Variants in ITGBL1 observed in about 807,000 individuals in gnomAD.
ITGBL1 encodes the protein integrin subunit beta like 1.
Under a neutral mutation model 68.5 loss-of-function variants are expected in ITGBL1, and 51 were observed. The ratio of observed to expected loss-of-function variants is 0.74; its 90% CI spans 0.59 to 0.94. The LOEUF is 0.94. Among genes scored for constraint, ITGBL1 ranks in the 40% least tolerant of loss-of-function variants. The pLI is 0.00. For synonymous variants in ITGBL1, 209 were observed against 227.3 expected (o/e 0.92, Z 0.72); for missense variants, 649 against 647.4 (o/e 1.00, Z -0.03).
chr13:101,585,592 G>A (rs568636374), intron 6 of ITGBL1, among the ~76,000 whole-genome samples: 6 of 151,992 alleles, frequency 3.9e-5, no homozygotes, highest in East Asian at 1.9e-4. Flanking sequence ...CACCACGCCC[G>A]GCTTATTTTT....
chr13:101,677,372 G>C (rs1202375391), intron 7 of ITGBL1, among the ~76,000 whole-genome samples: 2 of 152,176 alleles, frequency 1.3e-5, no homozygotes, highest in Non-Finnish European at 2.9e-5. Flanking sequence ...TTCAGACACT[G>C]TACCACAACC....
chr13:101,501,269 A>G (rs539029880), intron 2 of ITGBL1, among the ~76,000 whole-genome samples: 1 of 152,332 alleles, frequency 6.6e-6, no homozygotes, highest in African/African-American at 2.4e-5. Context: ...CCAGGCTTCC[A>G]GAATTCCCTG....
intron 2 of ITGBL1, among the ~76,000 whole-genome samples, chr13:101,503,708 G>A (rs1383952268): frequency 1.3e-5 from 2 of 152,196 alleles, no homozygotes; most frequent in East Asian, 1.9e-4. Flanking sequence ...TTAGTCCCTG[G>A]GAGGGAATAA....
chr13:101,463,009 G>A (rs942274699), intron 2 of ITGBL1, among the ~76,000 whole-genome samples: 1 of 152,146 alleles, frequency 6.6e-6, no homozygotes, highest in African/African-American at 2.4e-5. Flanking sequence ...GAGCTACAGG[G>A]AGGTTACCCA....
chr13:101,697,246 T>G (rs1456067544), intron 8 of ITGBL1, among the ~76,000 whole-genome samples: 3 of 152,056 alleles, frequency 2.0e-5, no homozygotes, highest in African/African-American at 7.2e-5. Context: ...AAAAAATATA[T>G]AGAGAGAAAT....
intron 3 of ITGBL1, among the ~76,000 whole-genome samples, chr13:101,573,178 A>G (rs890968408): frequency 1.1e-4 from 16 of 152,304 alleles, no homozygotes; most frequent in Admixed American, 1.0e-3. Flanking sequence ...GTGAAAATGA[A>G]AAAGAAGGGT....
intron 7 of ITGBL1, among the ~76,000 whole-genome samples, chr13:101,634,571 T>A (rs1196282230): frequency 6.6e-6 from 1 of 152,160 alleles, no homozygotes; most frequent in Non-Finnish European, 1.5e-5. Flanking sequence ...GAGAATCCAC[T>A]GGGCTAGTCA....
At chr13:101,658,869 C>G (rs1272349531) in intron 7 of ITGBL1, among the ~76,000 whole-genome samples, 1 of 151,594 alleles carries the variant, frequency 6.6e-6, no homozygotes, top group Middle Eastern at 3.4e-3. Flanking sequence ...AGCTTTTAAA[C>G]AATAATAGTA....
intron 7 of ITGBL1, among the ~76,000 whole-genome samples, chr13:101,663,842 A>G (rs2033147082): frequency 6.6e-6 from 1 of 152,214 alleles, no homozygotes; most frequent in Non-Finnish European, 1.5e-5. Context: ...TTTAAAAACC[A>G]TGAAAGAACA....
chr13:101,617,492 A>G (rs1173865281), intron 7 of ITGBL1, among the ~76,000 whole-genome samples: 2 of 152,146 alleles, frequency 1.3e-5, no homozygotes, highest in African/African-American at 4.8e-5. Context: ...CTGGATGCTC[A>G]TATGAGTACA....
intron 8 of ITGBL1, among the ~76,000 whole-genome samples, chr13:101,704,837 G>GT (rs1204923599): frequency 1.3e-5 from 2 of 152,076 alleles, no homozygotes; most frequent in East Asian, 3.8e-4. Flanking sequence ...CAGTTTTTGG[G>GT]TTTTTTGTTT....
chr13:101,516,667 C>A (rs981698146), intron 2 of ITGBL1, among the ~76,000 whole-genome samples: 13 of 152,110 alleles, frequency 8.5e-5, no homozygotes, highest in Non-Finnish European at 1.6e-4. Context: ...TTTGAATTAA[C>A]AAGCAAGGCA....
chr13:101,708,522 C>G (rs1240173412), intron 9 of ITGBL1, among the ~76,000 whole-genome samples: 1 of 152,156 alleles, frequency 6.6e-6, no homozygotes, highest in Non-Finnish European at 1.5e-5. Context: ...AAGAACCACA[C>G]CAGTGAGGCT....
chr13:101,566,650 C>T (rs899620127), intron 2 of ITGBL1, among the ~76,000 whole-genome samples: 3 of 152,282 alleles, frequency 2.0e-5, no homozygotes, highest in Middle Eastern at 3.4e-3. Flanking sequence ...ACTGACCAAC[C>T]ATCTGGACCT....
rs1385659456 is a variant in ITGBL1, at chr13:101,626,197, A to AGTC, written c.1015+27899_1015+27901dup. Among the ~76,000 whole-genome samples, 12 of 49,894 alleles carry AGTC rather than the reference A, an allele frequency of 2.4e-4. No individual in the cohort carries two copies. The East Asian group carries it at 9.6e-3, about 40-fold the overall frequency. 32.7% of individuals were successfully genotyped at this position (49,894 alleles called of 152,430 possible). A position where few individuals can be genotyped will look rare whatever the true frequency, so the allele number is the denominator to read the frequency against. The stretch of plus-strand genomic sequence containing the variant: ...TCTAAAGAGATCCCAGGTGATTTGT[A>AGTC]GTCTTCATAGACAGTGTCTACAAAC... On this transcript the variant is annotated intron_variant, in intron 7 of 10. Coordinates refer to ENST00000376180, the MANE Select transcript of ITGBL1 (RefSeq NM_004791.3).
chr13:101,619,774 A>C (rs1398353962), intron 7 of ITGBL1, among the ~76,000 whole-genome samples: 1 of 152,202 alleles, frequency 6.6e-6, no homozygotes, highest in African/African-American at 2.4e-5. Context: ...TTTACAAAAA[A>C]TCTGAAAAAG....
intron 7 of ITGBL1, among the ~76,000 whole-genome samples, chr13:101,616,042 A>T (rs1327754467): frequency 6.6e-6 from 1 of 152,214 alleles, no homozygotes; most frequent in African/African-American, 2.4e-5. Context: ...ATGGACTAAG[A>T]CAAGTATCAA....
intron 7 of ITGBL1, among the ~76,000 whole-genome samples, chr13:101,650,163 TTTTTGA>T (rs1566775256): frequency 6.6e-6 from 1 of 152,198 alleles, no homozygotes; most frequent in Non-Finnish European, 1.5e-5. Context: ...GCTCAAAAAC[TTTTTGA>T]TTAAAGTAAA....
intron 8 of ITGBL1, among the ~76,000 whole-genome samples, chr13:101,695,837 T>G (rs2033988913): frequency 6.6e-6 from 1 of 152,208 alleles, no homozygotes; most frequent in Non-Finnish European, 1.5e-5. Context: ...CTCATGGTCA[T>G]AATGATTTAT....
Sources: gnomAD v4.1 joint callset for allele counts (sites outside exome capture counted in the v4.1 genomes callset) on GRCh38, gnomAD v4.1.1 for gene constraint, MANE v1.5 for transcripts, NCBI Gene and HGNC (gene_info 2026-07-23, HGNC 2026-07-21) for gene names.